Variants in CDH7 observed in about 807,000 individuals in gnomAD.
CDH7 encodes the protein cadherin 7.
Under a neutral mutation model 71.8 loss-of-function variants are expected in CDH7, and 25 were observed. The observed-to-expected ratio is 0.35, with a 90% CI of 0.25 to 0.49. CDH7 has a LOEUF of 0.49. CDH7 is among the 20% of genes least tolerant of loss of function. The pLI is 0.99. For synonymous variants in CDH7, 381 were observed against 363.8 expected (o/e 1.05, Z -0.54); for missense variants, 862 against 974.6 (o/e 0.88, Z 1.54).
intron 6 of CDH7, among the ~76,000 whole-genome samples, chr18:65,831,872 G>A (rs761307373): frequency 1.3e-5 from 2 of 151,142 alleles, no homozygotes; most frequent in South Asian, 2.1e-4. Context: ...AAATTATACC[G>A]AGATAAACAA....
At position 65,866,320 on chromosome 18, in the gene CDH7, A is replaced by AAAAC. The variant is rs1568229006; in HGVS notation, c.1864+3406_1864+3407insCAAA. 84 of 124,876 alleles carry AAAAC rather than the reference A, an allele frequency of 6.7e-4. 3 individuals carry two copies. The highest frequency in any genetic ancestry group is 1.2e-3 in the Non-Finnish European group (71 of 57,522). The allele number at this position is 124,876 out of a possible 1,614,324, so 7.7% of individuals were successfully genotyped here. ...TCTCAAAAAAAAAAAAAAAACAAAA[A>AAAAC]AAAAAAAAAACAAAAAAAAAAAAAA... On this transcript the variant is annotated intron_variant, in intron 11 of 11. Coordinates refer to ENST00000397968, the MANE Select transcript of CDH7 (RefSeq NM_004361.5).
intron 11 of CDH7, among the ~76,000 whole-genome samples, chr18:65,878,615 T>C (rs1181135940): frequency 4.6e-5 from 7 of 152,138 alleles, no homozygotes; most frequent in Non-Finnish European, 7.4e-5. Context: ...CAGAAAGATA[T>C]ACAAGCAGTA....
intron 4 of CDH7, among the ~76,000 whole-genome samples, chr18:65,817,979 C>T (rs1911779136): frequency 6.6e-6 from 1 of 152,060 alleles, no homozygotes; most frequent in South Asian, 2.1e-4. Context: ...GATCTATTTC[C>T]TCATGCATCA....
At chr18:65,823,123 C>A (rs866301908) in intron 5 of CDH7, among the ~76,000 whole-genome samples, 1 of 151,936 alleles carries the variant, frequency 6.6e-6, no homozygotes, top group South Asian at 2.1e-4. Context: ...CCTTTCTGAG[C>A]AAATACAAGT....
chr18:65,857,873 T>G lies in CDH7; in HGVS notation c.1293T>G (p.Ser431Arg). The change falls in exon 8 of 12, where the codon AGT (serine) becomes AGG (arginine). Residue 431 changes from serine to arginine, a missense_variant. By Grantham distance (110) the Ser-to-Arg change is moderately radical. Transcript: ENST00000397968. ...GATACTTCAATATTGATGCCAACAG[T>G]GGGGTCATCACAACTGCCAAGTCTT... ...LERYFNIDAN[S>R]GVITTAKSLD... 6.2e-7 allele frequency: 1 copy of G among 1,613,346 alleles called. No individual in the cohort carries two copies. Among genetic ancestry groups the G allele is most frequent in the East Asian group, 2.2e-5 (1 of 44,840 alleles).
chr18:65,799,493 A>C (rs1013537923), intron 2 of CDH7, among the ~76,000 whole-genome samples: 6 of 151,926 alleles, frequency 3.9e-5, no homozygotes, highest in South Asian at 2.1e-4. Context: ...CTGGCTAAAG[A>C]GGTGAAACCC....
intron 1 of CDH7, among the ~76,000 whole-genome samples, chr18:65,761,637 G>T (rs1315329543): frequency 1.3e-5 from 2 of 151,848 alleles, no homozygotes; most frequent in African/African-American, 4.8e-5. Flanking sequence ...ATAAACCAAA[G>T]TGCAACATGG....
intron 2 of CDH7, among the ~76,000 whole-genome samples, chr18:65,796,476 T>C (rs2143870473): frequency 6.6e-6 from 1 of 152,334 alleles, no homozygotes; most frequent in Admixed American, 6.5e-5. Flanking sequence ...GTGCAGTTCC[T>C]GGGATGTACA....
intron 1 of CDH7, among the ~76,000 whole-genome samples, chr18:65,759,415 T>A (rs1261080056): frequency 1.3e-5 from 2 of 151,480 alleles, no homozygotes; most frequent in Admixed American, 1.3e-4. Flanking sequence ...CGGCTAATTT[T>A]TTTTTTTTTT....
chr18:65,864,453 G>A (rs1463223417), intron 11 of CDH7, among the ~76,000 whole-genome samples: 17 of 148,494 alleles, frequency 1.1e-4, no homozygotes, highest in East Asian at 2.0e-4. Context: ...TTTTATGTGT[G>A]GCCTAAGACA....
At chr18:65,859,229 G>C (rs989469995) in intron 9 of CDH7, among the ~76,000 whole-genome samples, 183 bp downstream of exon 9, 2 of 152,154 alleles carry the variant, frequency 1.3e-5, no homozygotes, top group Non-Finnish European at 2.9e-5. Flanking sequence ...AGTTTAATTG[G>C]GGTGATGAAA....
intron 6 of CDH7, among the ~76,000 whole-genome samples, chr18:65,829,417 T>A (rs1912252045): frequency 6.6e-6 from 1 of 151,508 alleles, no homozygotes; most frequent in Non-Finnish European, 1.5e-5. Context: ...AGGATACATG[T>A]GTATTAAGAT....
chr18:65,776,953 TAAATG>T (rs1909970324), intron 2 of CDH7, among the ~76,000 whole-genome samples: 1 of 152,318 alleles, frequency 6.6e-6, no homozygotes, highest in Non-Finnish European at 1.5e-5. Context: ...TTTGGAAAGA[TAAATG>T]AGTAGAAACC....
At chr18:65,848,968 T>A (rs192826566) in intron 7 of CDH7, among the ~76,000 whole-genome samples, 4 of 152,278 alleles carry the variant, frequency 2.6e-5, no homozygotes, top group Admixed American at 1.3e-4. Flanking sequence ...CAGTGTGTAT[T>A]TTTTAAGTAG....
intron 6 of CDH7, among the ~76,000 whole-genome samples, chr18:65,827,415 T>A (rs1912172827): frequency 6.6e-6 from 1 of 151,886 alleles, no homozygotes; most frequent in Non-Finnish European, 1.5e-5. Flanking sequence ...TTCTTGTTCA[T>A]CCTGAATTAC....
rs1030183904 is a variant in CDH7, at chr18:65,889,677, A to G, written c.*8783A>G. On this transcript the variant is annotated 3_prime_UTR_variant, in exon 12 of 12. Transcript: ENST00000397968. ...ATGGTGTATACTTGCAAAATAACTA[A>G]AGAGTGTATTTAAGATTTAAATATA... 1 of 152,198 alleles carries G rather than the reference A, an allele frequency of 6.6e-6. No individual in the cohort carries two copies. Among genetic ancestry groups the G allele is most frequent in the Non-Finnish European group, 1.5e-5 (1 of 68,018 alleles). The allele number at this position is 152,198 out of a possible 1,614,324, so 9.4% of individuals were successfully genotyped here.
intron 6 of CDH7, among the ~76,000 whole-genome samples, chr18:65,837,736 G>A (rs1038525275): frequency 2.0e-5 from 3 of 152,002 alleles, no homozygotes; most frequent in Non-Finnish European, 4.4e-5. Flanking sequence ...TCATAACCCA[G>A]GGAAATAAGA....
At chr18:65,759,846 A>G (rs116745350) in intron 1 of CDH7, among the ~76,000 whole-genome samples, 1,996 of 152,286 alleles carry the variant, frequency 0.013, 51 homozygotes, top group African/African-American at 0.046. Flanking sequence ...GAACTAAAAT[A>G]AATTTCTCCA....
intron 2 of CDH7, among the ~76,000 whole-genome samples, chr18:65,809,341 T>G (rs1024103028): frequency 6.6e-6 from 1 of 152,214 alleles, no homozygotes; most frequent in Non-Finnish European, 1.5e-5. Flanking sequence ...TTGCTTAGAA[T>G]AGATCAAATC....
Sources: gnomAD v4.1 joint callset for allele counts (sites outside exome capture counted in the v4.1 genomes callset) on GRCh38, gnomAD v4.1.1 for gene constraint, MANE v1.5 for transcripts, NCBI Gene and HGNC (gene_info 2026-07-23, HGNC 2026-07-21) for gene names.